The following VPS29 variants were observed in gnomAD, a reference collection of about 807,000 sequenced individuals.
VPS29 encodes VPS29 retromer complex component.
VPS29 carries 2 observed loss-of-function variants against 20.0 expected under a neutral mutation model. That is an observed-to-expected ratio of 0.10 (90% CI 0.04 to 0.31). The LOEUF (loss-of-function observed/expected upper bound fraction) is 0.31. Ranked by LOEUF, VPS29 falls within the 10% of genes least tolerant of loss-of-function variation. The probability of loss-of-function intolerance (pLI) is 1.00; values close to 1 mark genes in which losing one functional copy is unlikely to be tolerated. For missense variants in VPS29, 120 were observed against 215.3 expected, an observed-to-expected ratio of 0.56 and a Z score of 2.77; for synonymous variants, 81 against 79.3, an observed-to-expected ratio of 1.02 and a Z score of -0.12.
chr12:110,492,978 A>G lies in VPS29; in HGVS notation c.431+18T>C. Reference sequence around the variant, plus strand: ...ATTTTACTAAAGCCCCCAAATTCCCAAATTCTATACTACTCACGTTTCCAA... The same window carrying G: ...ATTTTACTAAAGCCCCCAAATTCCCGAATTCTATACTACTCACGTTTCCAA... On this transcript the variant is annotated intron_variant, in intron 3 of 3. Coordinates refer to ENST00000549578, the MANE Select transcript of VPS29 (RefSeq NM_016226.5). The G allele has an allele frequency of 6.3e-7, 1 of 1,575,012 alleles. No individual in the cohort carries two copies. The highest frequency in any genetic ancestry group is 1.2e-5 in the South Asian group (1 of 85,476).
intron 1 of VPS29, 76 bp from the exon 2 acceptor site, chr12:110,496,279 C>A: frequency 7.5e-7 from 1 of 1,334,990 alleles, no homozygotes; most frequent in Non-Finnish European, 1.0e-6. Flanking sequence ...CTTGTAAGCC[C>A]CCTTTTAAGT....
intron 1 of VPS29, chr12:110,501,808 C>A: frequency 8.7e-7 from 1 of 1,146,614 alleles, no homozygotes; most frequent in Non-Finnish European, 1.3e-6. Context: ...GCCTTTTTAC[C>A]CCTTGGATGG....
In VPS29 at chr12:110,492,986, T is replaced by C. The variant is rs2062842403; in HGVS notation, c.431+10A>G. The stretch of plus-strand genomic sequence containing the variant: ...AAAGCCCCCAAATTCCCAAATTCTA[T>C]ACTACTCACGTTTCCAAGGCATTAT... On this transcript the variant is annotated intron_variant, in intron 3 of 3. Coordinates refer to ENST00000549578, the MANE Select transcript of VPS29 (RefSeq NM_016226.5). 4 of 1,601,514 alleles carry C rather than the reference T, an allele frequency of 2.5e-6. No individual in the cohort carries two copies. The highest frequency in any genetic ancestry group is 2.7e-5 in the African/African-American group (2 of 74,290).
intron 1 of VPS29, among the ~76,000 whole-genome samples, chr12:110,500,435 A>G (rs1347057800): frequency 6.6e-6 from 1 of 152,220 alleles, no homozygotes. Flanking sequence ...GTCTTCTCCC[A>G]TGGATAGGTG....
At chr12:110,495,227 C>A (rs190918933) in intron 2 of VPS29, among the ~76,000 whole-genome samples, 253 of 152,222 alleles carry the variant, frequency 1.7e-3, no homozygotes, top group Non-Finnish European at 2.9e-3. Flanking sequence ...AGAAAGGAAG[C>A]CACAGGAGGG....
At chr12:110,492,829 G>A (rs1283724275) in intron 3 of VPS29, 167 bp downstream of exon 3, 14 of 621,374 alleles carry the variant, frequency 2.3e-5, no homozygotes, top group Non-Finnish European at 3.6e-5. Flanking sequence ...TCACCATATT[G>A]TCTAGGCTGG....
At chr12:110,498,146 A>G (rs1271224698) in intron 1 of VPS29, among the ~76,000 whole-genome samples, 1 of 151,678 alleles carries the variant, frequency 6.6e-6, no homozygotes, top group African/African-American at 2.4e-5. Flanking sequence ...TAATTTTTGT[A>G]TTTTTAGTAG....
At chr12:110,493,622 A>G (rs753366882) in intron 2 of VPS29, among the ~76,000 whole-genome samples, 10 of 152,018 alleles carry the variant, frequency 6.6e-5, no homozygotes, top group Non-Finnish European at 1.3e-4. Context: ...TTGGCCTCCC[A>G]AAGCGCTAGG....
rs971323363 is a variant in VPS29 at position 110,498,505 on chromosome 12, A to C, written c.4-2302T>G. Among the ~76,000 whole-genome samples the C allele has an allele frequency of 2.0e-5, 3 of 152,236 alleles. No individual in the cohort carries two copies. The East Asian group carries it at 5.8e-4, about 29-fold the overall frequency. On this transcript the variant is annotated intron_variant, in intron 1 of 3. Transcript: ENST00000549578. ...ATTAATCAAACAAACAAAATGTATG[A>C]AATTAAAATGATTACCAAAAGAAGC...
At chr12:110,501,179 AAAAG>A (rs1170313284) in intron 1 of VPS29, among the ~76,000 whole-genome samples, 1 of 152,094 alleles carries the variant, frequency 6.6e-6, no homozygotes, top group African/African-American at 2.4e-5. Flanking sequence ...CTCCATCTCA[AAAAG>A]AAAGAAAGAA....
intron 1 of VPS29, chr12:110,498,762 G>A (rs1193048914): frequency 2.6e-5 from 23 of 882,592 alleles, no homozygotes; most frequent in South Asian, 2.6e-4. Flanking sequence ...CAAAACATCT[G>A]TAAAACTAAA....
chr12:110,501,622 G>C, intron 1 of VPS29: 1 of 1,534,494 alleles, frequency 6.5e-7, no homozygotes, highest in Non-Finnish European at 8.7e-7. Context: ...GCATTCGAGA[G>C]GCCAGCTTCC....
intron 3 of VPS29, 107 bp downstream of exon 3, chr12:110,492,889 G>T (rs529023772): frequency 1.6e-5 from 16 of 1,001,824 alleles, no homozygotes; most frequent in Non-Finnish European, 2.2e-5. Flanking sequence ...CGAAGTGCTG[G>T]TATTACAGGC....
intron 3 of VPS29, among the ~76,000 whole-genome samples, chr12:110,492,483 T>C (rs1326875060): frequency 1.3e-5 from 2 of 151,224 alleles, no homozygotes; most frequent in Non-Finnish European, 2.9e-5. Context: ...GGCACAAGAA[T>C]CACTTGAACC....
chr12:110,493,145 T>C lies in VPS29; in HGVS notation c.282A>G (p.Gly94=), dbSNP rs768502334. Residue 94 remains glycine (G), a synonymous_variant, in exon 3 of 4, where the codon GGA becomes GGG. Coordinates refer to ENST00000549578, the MANE Select transcript of VPS29 (RefSeq NM_016226.5). ...GCAACAGGGCTAAGCTGGCCATATC[T>C]CCCCATGGAATAACTTGATGTCCAT... ...LIHGHQVIPW[G]DMASLALLQR... is the part of the protein sequence containing the mutation. 13 of 1,613,352 alleles carry C rather than the reference T, an allele frequency of 8.1e-6. No individual in the cohort carries two copies. The East Asian group carries it at 2.9e-4, about 36-fold the overall frequency.
In VPS29 at chr12:110,491,972, A is replaced by T; in HGVS notation, c.*33T>A. ...TACTTGATTTCAACAGGACAATGAA[A>T]AAAAACCAAAAATCATCAAGACAGG... On this transcript the variant is annotated 3_prime_UTR_variant, in exon 4 of 4. Coordinates refer to ENST00000549578, the MANE Select transcript of VPS29 (RefSeq NM_016226.5). The T allele has an allele frequency of 6.4e-7, 1 of 1,573,180 alleles. No homozygotes were observed.
chr12:110,492,332 G>A (rs925594369), intron 3 of VPS29, among the ~76,000 whole-genome samples: 2 of 152,192 alleles, frequency 1.3e-5, no homozygotes. Flanking sequence ...CACTTTGGGA[G>A]GCTGAGGTGG....
At chr12:110,497,770 G>C (rs1281898815) in intron 1 of VPS29, among the ~76,000 whole-genome samples, 1 of 151,254 alleles carries the variant, frequency 6.6e-6, no homozygotes, top group Non-Finnish European at 1.5e-5. Flanking sequence ...GGTGGCAGGC[G>C]CCTGTAATCC....
chr12:110,500,528 G>A (rs1218178339), intron 1 of VPS29, among the ~76,000 whole-genome samples: 2 of 152,158 alleles, frequency 1.3e-5, no homozygotes, highest in Non-Finnish European at 2.9e-5. Flanking sequence ...AGATTTTAAA[G>A]AAGCATGCAC....
Sources: allele counts gnomAD v4.1 joint callset (sites outside exome capture counted in the v4.1 genomes callset), GRCh38; gene constraint gnomAD v4.1.1; transcripts MANE v1.5; gene names NCBI Gene and HGNC (gene_info 2026-07-23, HGNC 2026-07-21).